IQCB1: variants seen among roughly 807,000 people sequenced by gnomAD.
IQCB1 encodes IQ calmodulin-binding motif-containing protein 1.
IQCB1 carries 56 observed loss-of-function variants against 84.4 expected under a neutral mutation model. That is an observed-to-expected ratio of 0.66 (90% confidence interval 0.54 to 0.83). The LOEUF is 0.83. Ranked by LOEUF, IQCB1 falls within the 40% of genes least tolerant of loss-of-function variation. The pLI is 0.00. For synonymous variants in IQCB1, 210 were observed against 234.8 expected (o/e 0.89, Z 0.96); for missense variants, 629 against 682.1 (o/e 0.92, Z 0.87).
intron 12 of IQCB1, among the ~76,000 whole-genome samples, chr3:121,785,644 TACA>T (rs1948676694): frequency 1.3e-5 from 2 of 152,152 alleles, no homozygotes; most frequent in South Asian, 4.1e-4. Flanking sequence ...ATATAAAACA[TACA>T]ACAATATACA....
intron 11 of IQCB1, 107 bp from the exon 12 acceptor site, chr3:121,788,539 A>G: frequency 9.1e-7 from 1 of 1,096,338 alleles, no homozygotes; most frequent in South Asian, 1.3e-5. Context: ...TATTTTTGTC[A>G]ATATTGTTCA....
At chr3:121,800,378 T>C (rs1949359339) in intron 7 of IQCB1, among the ~76,000 whole-genome samples, 1 of 151,966 alleles carries the variant, frequency 6.6e-6, no homozygotes, top group Non-Finnish European at 1.5e-5. Flanking sequence ...TTTTTGAAAA[T>C]TGTACTTTAG....
At chr3:121,807,649 A>C (rs914581898) in intron 6 of IQCB1, among the ~76,000 whole-genome samples, 1 of 152,012 alleles carries the variant, frequency 6.6e-6, no homozygotes, top group African/African-American at 2.4e-5. Context: ...TTTTATGAAT[A>C]TAGTCAGAAA....
At chr3:121,831,241 T>C (rs1241205325) in intron 2 of IQCB1, among the ~76,000 whole-genome samples, 2 of 146,266 alleles carry the variant, frequency 1.4e-5, no homozygotes, top group Non-Finnish European at 3.0e-5. Flanking sequence ...GGTACAATTA[T>C]GGCTCACTGC....
chr3:121,789,848 G>GA (rs989151181), intron 11 of IQCB1, among the ~76,000 whole-genome samples: 1 of 151,742 alleles, frequency 6.6e-6, no homozygotes, highest in African/African-American at 2.4e-5. Flanking sequence ...TGAAGGATAA[G>GA]AAAAAAAACT....
chr3:121,778,796 C>A (rs1302754257), intron 13 of IQCB1, among the ~76,000 whole-genome samples: 2 of 151,576 alleles, frequency 1.3e-5, no homozygotes, highest in African/African-American at 4.9e-5. Flanking sequence ...ATCCTAGCTA[C>A]CTGGGAGGCT....
chr3:121,789,076 G>C (rs937956193), intron 11 of IQCB1, among the ~76,000 whole-genome samples: 2 of 152,098 alleles, frequency 1.3e-5, no homozygotes, highest in Non-Finnish European at 1.5e-5. Context: ...CCTGAGATGG[G>C]GAATAAAGGA....
chr3:121,831,808 C>T (rs990698858), intron 2 of IQCB1, among the ~76,000 whole-genome samples: 4 of 152,190 alleles, frequency 2.6e-5, no homozygotes, highest in African/African-American at 9.7e-5. Context: ...CATTAAAAGA[C>T]AGGTTTGCTG....
intron 13 of IQCB1, among the ~76,000 whole-genome samples, chr3:121,777,699 C>T (rs75038023): frequency 6.6e-6 from 1 of 152,282 alleles, no homozygotes; most frequent in East Asian, 1.9e-4. Context: ...TTCTGATTTA[C>T]ATTCACACCA....
intron 10 of IQCB1, among the ~76,000 whole-genome samples, chr3:121,790,785 A>C (rs1948934483): frequency 6.6e-6 from 1 of 151,004 alleles, no homozygotes; most frequent in Admixed American, 6.6e-5. Context: ...TTACTTACAC[A>C]AAAAAAAAAT....
At chr3:121,788,481 T>C in intron 11 of IQCB1, 49 bp from the exon 12 acceptor site, 2 of 1,529,976 alleles carry the variant, frequency 1.3e-6, no homozygotes, top group Non-Finnish European at 9.0e-7. Context: ...CCATGCTTTC[T>C]TAAGTTCTGG....
chr3:121,797,453 A>T (rs1367208065), intron 8 of IQCB1, among the ~76,000 whole-genome samples: 1 of 7,070 alleles, frequency 1.4e-4, no homozygotes, highest in African/African-American at 9.5e-4. Context: ...GGTATCTGAT[A>T]AAAAAAAAAA....
intron 10 of IQCB1, among the ~76,000 whole-genome samples, chr3:121,793,443 A>G (rs955985643): frequency 1.3e-5 from 2 of 152,216 alleles, no homozygotes; most frequent in Non-Finnish European, 2.9e-5. Flanking sequence ...TGGGAAGGGG[A>G]AATTACTGAG....
chr3:121,803,332 T>C (rs1380274779), intron 7 of IQCB1, among the ~76,000 whole-genome samples: 1 of 152,206 alleles, frequency 6.6e-6, no homozygotes, highest in Non-Finnish European at 1.5e-5. Context: ...ATTACAGGTG[T>C]GAGCCACCGT....
intron 10 of IQCB1, among the ~76,000 whole-genome samples, chr3:121,791,029 A>G (rs1166186442): frequency 2.0e-5 from 3 of 152,164 alleles, no homozygotes; most frequent in Non-Finnish European, 2.9e-5. Flanking sequence ...GTTGCTTCCA[A>G]TATCACTATG....
chr3:121,794,168 A>G (rs1407492967), intron 10 of IQCB1, among the ~76,000 whole-genome samples: 3 of 152,286 alleles, frequency 2.0e-5, no homozygotes, highest in East Asian at 1.9e-4. Flanking sequence ...AAGATAGGCA[A>G]TAAACTTTGA....
chr3:121,799,073 G>T (rs188888818), intron 8 of IQCB1, 123 bp downstream of exon 8: 2 of 671,554 alleles, frequency 3.0e-6, no homozygotes, highest in African/African-American at 1.8e-5. Context: ...GGTATCTGTT[G>T]TGAGTTTTAT....
At chr3:121,782,634 A>G in intron 12 of IQCB1, among the ~76,000 whole-genome samples, 1 of 152,268 alleles carries the variant, frequency 6.6e-6, no homozygotes, top group Non-Finnish European at 1.5e-5. Context: ...AAGAATATTT[A>G]GTGGCATGTA....
Position 121,774,111 on chromosome 3 carries a change from A to G in IQCB1, c.1411-1398T>C, listed in dbSNP as rs1443592627. On this transcript the variant is annotated intron_variant, in intron 13 of 14. Coordinates refer to ENST00000310864, the MANE Select transcript of IQCB1 (RefSeq NM_001023570.4). Reference sequence around the variant, plus strand: ...CAAAATATAACCCTGTGGAAAAAAAAATAAACAAATGACTTGAACAGACAT... The same window carrying G: ...CAAAATATAACCCTGTGGAAAAAAAGATAAACAAATGACTTGAACAGACAT... Among the ~76,000 whole-genome samples the G allele has an allele frequency of 3.3e-5, 5 of 152,176 alleles. No homozygotes were observed. The East Asian group carries it at 9.6e-4, about 29-fold the overall frequency.
Sources: gnomAD v4.1 joint callset for allele counts (sites outside exome capture counted in the v4.1 genomes callset) on GRCh38, gnomAD v4.1.1 for gene constraint, MANE v1.5 for transcripts, NCBI Gene and HGNC (gene_info 2026-07-23, HGNC 2026-07-21) for gene names.